LRRFIP2: variants seen among roughly 807,000 people sequenced by gnomAD.
The protein encoded by LRRFIP2 is leucine-rich repeat flightless-interacting protein 2.
LRRFIP2 carries 109 observed loss-of-function variants against 125.9 expected under a neutral mutation model. The ratio of observed to expected loss-of-function variants is 0.87; its 90% confidence interval spans 0.74 to 1.01. The LOEUF is 1.01. LRRFIP2 is among the 50% of genes least tolerant of loss of function. The pLI is 0.00. For synonymous variants in LRRFIP2, 291 were observed against 293.1 expected (o/e 0.99, Z 0.07); for missense variants, 850 against 862.3 (o/e 0.99, Z 0.18).
At chr3:37,128,926 T>C (rs540467618) in intron 3 of LRRFIP2, 137 bp downstream of exon 3, 1 of 751,934 alleles carries the variant, frequency 1.3e-6, no homozygotes, top group Admixed American at 2.6e-5. Flanking sequence ...TGGCACAGAA[T>C]GGCTTGATAA....
chr3:37,058,946 A>G (rs758797860), intron 24 of LRRFIP2, 36 bp from the exon 25 acceptor site: 76 of 1,611,426 alleles, frequency 4.7e-5, no homozygotes, highest in Non-Finnish European at 5.8e-5. Flanking sequence ...GCAAGATCCA[A>G]TCTCTCAAAT....
chr3:37,142,264 G>A (rs112917801), intron 2 of LRRFIP2, among the ~76,000 whole-genome samples: 2,337 of 149,406 alleles, frequency 0.016, 52 homozygotes, highest in African/African-American at 0.043. Context: ...TCAGCCTCCT[G>A]AGTAGCTGGA....
intron 6 of LRRFIP2, 87 bp downstream of exon 6, chr3:37,121,405 A>G: frequency 8.1e-7 from 1 of 1,239,296 alleles, no homozygotes; most frequent in African/African-American, 1.5e-5. Context: ...AAAGAAATAC[A>G]GGAACATTGT....
chr3:37,117,677 T>C (rs1473554856), intron 6 of LRRFIP2, among the ~76,000 whole-genome samples: 1 of 152,138 alleles, frequency 6.6e-6, no homozygotes, highest in East Asian at 1.9e-4. Context: ...CCTGAAAGTT[T>C]TCATTAGGAA....
chr3:37,135,594 T>C (rs2095539044), intron 2 of LRRFIP2, among the ~76,000 whole-genome samples: 1 of 152,094 alleles, frequency 6.6e-6, no homozygotes, highest in South Asian at 2.1e-4. Context: ...GTAGATGAGA[T>C]ACAATAAAAA....
intron 19 of LRRFIP2, among the ~76,000 whole-genome samples, chr3:37,081,892 G>GA (rs67658865): frequency 0.043 from 2,961 of 68,472 alleles, 43 homozygotes; most frequent in Non-Finnish European, 0.068. Context: ...GTCTCCAAAA[G>GA]AAAAAAAAAA....
At chr3:37,173,982 T>C (rs2096621774) in intron 1 of LRRFIP2, 1 of 152,234 alleles carries the variant, frequency 6.6e-6, no homozygotes, top group Non-Finnish European at 1.5e-5. Flanking sequence ...CAAAAGGGAT[T>C]TTCCAAAAGG....
chr3:37,160,904 T>C (rs116072395), intron 1 of LRRFIP2, among the ~76,000 whole-genome samples: 1,611 of 152,234 alleles, frequency 0.011, 37 homozygotes, highest in African/African-American at 0.036. Context: ...TGAAAACTTA[T>C]GCCCACACAA....
chr3:37,128,805 G>C (rs1365393220), intron 3 of LRRFIP2, among the ~76,000 whole-genome samples: 1 of 152,138 alleles, frequency 6.6e-6, no homozygotes, highest in Non-Finnish European at 1.5e-5. Context: ...AGCTACCTTA[G>C]CTAATGTAAG....
chr3:37,129,178 T>C (rs376632994), intron 2 of LRRFIP2, 29 bp from the exon 3 acceptor site: 320 of 1,604,050 alleles, frequency 2.0e-4, no homozygotes, highest in Middle Eastern at 6.6e-4. Context: ...CTCAGCTTTA[T>C]ACAACAAAAA....
chr3:37,131,741 A>G lies in LRRFIP2; in HGVS notation c.91-2592T>C, dbSNP rs141715744. ...ATGCTAGGTGCTGAAAATACAGAGT[A>G]AAGTATGACATCTCTGCCCTAAAGC... is the stretch of plus-strand genomic sequence containing the variant. On this transcript the variant is annotated intron_variant, in intron 2 of 27. Transcript: ENST00000336686. Among the ~76,000 whole-genome samples, 7 of 152,388 alleles carry G rather than the reference A, an allele frequency of 4.6e-5. No homozygotes were observed. The East Asian group carries it at 1.2e-3, about 25-fold the overall frequency.
chr3:37,135,288 G>C (rs968827648), intron 2 of LRRFIP2, among the ~76,000 whole-genome samples: 13 of 151,858 alleles, frequency 8.6e-5, no homozygotes, highest in African/African-American at 3.1e-4. Flanking sequence ...GTGAAATCCT[G>C]TCTCTACTAA....
intron 2 of LRRFIP2, chr3:37,143,628 A>C: frequency 5.4e-6 from 1 of 186,254 alleles, no homozygotes; most frequent in Non-Finnish European, 1.2e-5. Flanking sequence ...AAATAATTTA[A>C]TCTCCAAATA....
At chr3:37,134,467 C>G (rs1331271862) in intron 2 of LRRFIP2, among the ~76,000 whole-genome samples, 2 of 152,092 alleles carry the variant, frequency 1.3e-5, no homozygotes, top group Non-Finnish European at 2.9e-5. Context: ...TAAGTCATTG[C>G]AAAGCTACAG....
intron 17 of LRRFIP2, among the ~76,000 whole-genome samples, chr3:37,092,643 T>C (rs1472807530): frequency 6.6e-6 from 1 of 152,216 alleles, no homozygotes; most frequent in Non-Finnish European, 1.5e-5. Flanking sequence ...GTTTATCTTA[T>C]TCAACTTTCC....
intron 2 of LRRFIP2, chr3:37,140,493 C>CT (rs2095666580): frequency 1.3e-5 from 2 of 152,028 alleles, no homozygotes; most frequent in Admixed American, 1.3e-4. Flanking sequence ...AGTCCTAGCA[C>CT]TTTGAGAGGC....
intron 18 of LRRFIP2, among the ~76,000 whole-genome samples, chr3:37,085,238 G>A (rs944997772): frequency 2.0e-5 from 3 of 152,118 alleles, no homozygotes; most frequent in African/African-American, 7.2e-5. Context: ...AGCCGGGTGC[G>A]GTGCCTCATG....
intron 2 of LRRFIP2, among the ~76,000 whole-genome samples, chr3:37,131,199 C>T (rs2149712756): frequency 6.6e-6 from 1 of 152,224 alleles, no homozygotes; most frequent in African/African-American, 2.4e-5. Flanking sequence ...GGGTGCATCC[C>T]ATCTCTCTCC....
Position 37,060,287 on chromosome 3 carries a change from CTG to C in LRRFIP2, c.1750-1379_1750-1378del, listed in dbSNP as rs1491116005. Among the ~76,000 whole-genome samples the C allele has an allele frequency of 6.8e-6, 1 of 147,492 alleles. No homozygotes were observed. Among genetic ancestry groups the C allele is most frequent in the Non-Finnish European group, 1.5e-5 (1 of 65,566 alleles). ...GCTGCTTCTGCAGCTCTCTCAAACACTGTTTTTGTTTTGTTTTGTTTTGTTTT... is the reference window on the plus strand; with the variant it reads ...GCTGCTTCTGCAGCTCTCTCAAACACTTTTTGTTTTGTTTTGTTTTGTTTT... On this transcript the variant is annotated intron_variant, in intron 24 of 27. Coordinates refer to ENST00000336686, the MANE Select transcript of LRRFIP2 (RefSeq NM_006309.4). The surrounding 1 kb of genome is among the most constrained non-coding windows in gnomAD (Gnocchi z 4.1).
Sources: gnomAD v4.1 joint callset for allele counts (sites outside exome capture counted in the v4.1 genomes callset) on GRCh38, gnomAD v4.1.1 for gene constraint, Gnocchi (gnomAD v3.1) non-coding constraint, MANE v1.5 for transcripts, NCBI Gene and HGNC (gene_info 2026-07-23, HGNC 2026-07-21) for gene names.